The following CIB1 variants were observed in gnomAD, a reference collection of about 807,000 sequenced individuals.
The protein encoded by CIB1 is calcium and integrin binding 1.
Under a neutral mutation model 25.0 loss-of-function variants are expected in CIB1, and 19 were observed. That is an observed-to-expected ratio of 0.76 (90% confidence interval 0.53 to 1.12). The LOEUF (loss-of-function observed/expected upper bound fraction) is 1.12. Among genes scored for constraint, CIB1 ranks in the 50% most tolerant of loss-of-function variants. The probability of loss-of-function intolerance (pLI) is 0.00; values close to 1 mark genes in which losing one functional copy is unlikely to be tolerated. For synonymous variants in CIB1, 104 were observed against 98.5 expected (o/e 1.06, Z -0.33); for missense variants, 236 against 242.6 (o/e 0.97, Z 0.18).
the CIB1 span, chr15:90,241,948 TC>T: frequency 6.2e-7 from 1 of 1,614,136 alleles, no homozygotes; most frequent in Non-Finnish European, 8.5e-7. Flanking sequence ...TCCCAGGACT[TC>T]AGCAGCCTGA....
intron 2 of CIB1, among the ~76,000 whole-genome samples, chr15:90,232,914 A>T (rs1962534960): frequency 6.7e-6 from 1 of 150,266 alleles, no homozygotes; most frequent in Non-Finnish European, 1.5e-5. Context: ...TGGGCGACAG[A>T]GCGAGACGCT....
chr15:90,264,587 AGT>A, the CIB1 span: 1 of 999,580 alleles, frequency 1.0e-6, no homozygotes, highest in African/African-American at 1.6e-5. Flanking sequence ...ATTACAATAC[AGT>A]GTGGGAAAGA....
chr15:90,251,114 C>CTTTTTTTTTTTTTTTTTTTTTTTTTTTT, the CIB1 span, among the ~76,000 whole-genome samples: 1 of 104,672 alleles, frequency 9.6e-6, no homozygotes, highest in Non-Finnish European at 1.8e-5. Context: ...CCTGGTCTGT[C>CTTTTTTTTTTTTTTTTTTTTTTTTTTTT]TTTTTTTTTT....
At chr15:90,237,148 A>G (rs1962652072), upstream of CIB1, among the ~76,000 whole-genome samples, 2 of 151,940 alleles carry the variant, frequency 1.3e-5, no homozygotes, top group Admixed American at 1.3e-4. Flanking sequence ...TTTAGTAGAG[A>G]CAGGGTTTCA....
At chr15:90,261,359 G>A in the CIB1 span, among the ~76,000 whole-genome samples, 5 of 147,874 alleles carry the variant, frequency 3.4e-5, no homozygotes, top group East Asian at 2.0e-4. Flanking sequence ...CATTACAGGC[G>A]TGAGCCACCA....
chr15:90,252,043 C>CTTTTTTTTTTTTT, the CIB1 span, among the ~76,000 whole-genome samples: 183 of 133,370 alleles, frequency 1.4e-3, no homozygotes, highest in East Asian at 3.2e-3. Flanking sequence ...TCACCTAATT[C>CTTTTTTTTTTTTT]TTTTTTTTTT....
the CIB1 span, among the ~76,000 whole-genome samples, chr15:90,252,417 G>A: frequency 6.6e-6 from 1 of 152,132 alleles, no homozygotes; most frequent in African/African-American, 2.4e-5. Context: ...CTGGGCTCAA[G>A]TGATCCTCCC....
chr15:90,230,942 G>T lies in CIB1; in HGVS notation c.546C>A (p.Asp182Glu), dbSNP rs753043127. The T allele has an allele frequency of 4.3e-6, 7 of 1,613,860 alleles. No homozygotes were observed. Among genetic ancestry groups the T allele is most frequent in the Non-Finnish European group, 5.9e-6 (7 of 1,179,884 alleles). ...GGGGACCACTGTCATACCTGGCAAAGTCTGGAGAACGGGAGATGACGTGCT... is the reference window on the plus strand; with the variant it reads ...GGGGACCACTGTCATACCTGGCAAATTCTGGAGAACGGGAGATGACGTGCT... ...EFQHVISRSPDFASSFKIVL is the reference protein window; with the variant it reads ...EFQHVISRSPEFASSFKIVL Residue 182 changes from aspartate to glutamate, a missense_variant, in exon 6 of 7, where the codon GAC (aspartate) becomes GAA (glutamate). Asp to Glu is a conservative substitution (Grantham distance 45). Transcript: ENST00000328649.
At chr15:90,258,876 G>T in the CIB1 span, 127 of 1,614,184 alleles carry the variant, frequency 7.9e-5, 1 homozygote, top group African/African-American at 1.4e-3. Flanking sequence ...GAGGATAAGC[G>T]GCGAGTCAAG....
the CIB1 span, chr15:90,251,448 C>T: frequency 2.5e-6 from 3 of 1,207,440 alleles, no homozygotes; most frequent in Middle Eastern, 1.9e-4. Flanking sequence ...TTTTAAGTGG[C>T]TTCTAGAGAA....
At chr15:90,250,525 T>C in the CIB1 span, 5 of 1,394,458 alleles carry the variant, frequency 3.6e-6, no homozygotes, top group Non-Finnish European at 3.9e-6. Flanking sequence ...TATAACAGCA[T>C]GAAGGTCGTT....
the CIB1 span, chr15:90,259,156 A>G: frequency 1.2e-6 from 1 of 860,452 alleles, no homozygotes; most frequent in East Asian, 3.8e-5. Flanking sequence ...TGAGCCCTAG[A>G]GTTCAACACC....
At chr15:90,242,137 G>C in the CIB1 span, 1 of 1,277,682 alleles carries the variant, frequency 7.8e-7, no homozygotes, top group Non-Finnish European at 1.1e-6. Flanking sequence ...CCCCAGGCTA[G>C]AGTGTAGTGG....
At chr15:90,251,783 G>T in the CIB1 span, among the ~76,000 whole-genome samples, 1 of 150,678 alleles carries the variant, frequency 6.6e-6, no homozygotes, top group Non-Finnish European at 1.5e-5. Flanking sequence ...TGCCATTCCA[G>T]GTAGTCTCAG....
the CIB1 span, chr15:90,262,717 G>C: frequency 7.0e-7 from 1 of 1,431,596 alleles, no homozygotes; most frequent in South Asian, 1.5e-5. Context: ...AAATGGGTTG[G>C]GACAACTAGA....
the CIB1 span, chr15:90,263,463 A>G: frequency 2.1e-6 from 1 of 485,024 alleles, no homozygotes; most frequent in Non-Finnish European, 3.6e-6. Flanking sequence ...CACCACCCTC[A>G]GTGGCTTCTG....
chr15:90,255,690 G>T, the CIB1 span: 1 of 1,609,182 alleles, frequency 6.2e-7, no homozygotes, highest in Admixed American at 1.7e-5. Flanking sequence ...ACTGCTTCCT[G>T]GGATGCCCAG....
chr15:90,261,831 T>G, the CIB1 span, among the ~76,000 whole-genome samples: 1 of 152,228 alleles, frequency 6.6e-6, no homozygotes, highest in Non-Finnish European at 1.5e-5. Flanking sequence ...CCTATTTTCA[T>G]GGCTACCCAC....
chr15:90,237,957 G>A (rs1326798982), upstream of CIB1, among the ~76,000 whole-genome samples: 2 of 152,006 alleles, frequency 1.3e-5, no homozygotes, highest in African/African-American at 4.8e-5. Context: ...CTTTTTTGTT[G>A]TTGTTGTCTT....
Sources: allele counts gnomAD v4.1 joint callset (sites outside exome capture counted in the v4.1 genomes callset), GRCh38; gene constraint gnomAD v4.1.1; transcripts MANE v1.5; gene names NCBI Gene and HGNC (gene_info 2026-07-23, HGNC 2026-07-21).